SHANK2: variants seen among roughly 807,000 people sequenced by gnomAD.
SHANK2 encodes the protein SH3 and multiple ankyrin repeat domains 2, also known as SH3 and multiple ankyrin repeat domains protein 2.
SHANK2 carries 43 observed loss-of-function variants against 133.7 expected under a neutral mutation model. The observed-to-expected ratio is 0.32, with a 90% confidence interval of 0.25 to 0.41. The LOEUF (loss-of-function observed/expected upper bound fraction) is 0.41, where lower values mean the gene tolerates loss of function less well. Among genes scored for constraint, SHANK2 ranks in the 10% least tolerant of loss-of-function variants. The probability of loss-of-function intolerance (pLI) is 1.00; values close to 1 mark genes in which losing one functional copy is unlikely to be tolerated. For synonymous variants in SHANK2, 1,017 were observed against 952.8 expected (o/e 1.07, Z -1.24); for missense variants, 1,994 against 2,235.8 (o/e 0.89, Z 2.18).
At chr11:70,536,004 T>C (rs2059538600) in intron 17 of SHANK2, among the ~76,000 whole-genome samples, 1 of 151,660 alleles carries the variant, frequency 6.6e-6, no homozygotes, top group African/African-American at 2.4e-5. Context: ...AGACCAGCCC[T>C]ACAGGGCCCA....
At chr11:70,698,811 C>T (rs371552191) in intron 14 of SHANK2, 48 bp from the exon 15 acceptor site, 8 of 718,110 alleles carry the variant, frequency 1.1e-5, no homozygotes, top group Middle Eastern at 2.3e-4. Context: ...TCATGGTCCC[C>T]GAACGCGGAA....
At chr11:70,490,502 T>C in intron 22 of SHANK2, 115 bp from the exon 23 acceptor site, 1 of 871,046 alleles carries the variant, frequency 1.1e-6, no homozygotes, top group South Asian at 1.4e-5. Flanking sequence ...AAGCTGCTTC[T>C]GGAGCCACCT....
chr11:70,627,334 T>C (rs1461175921), intron 17 of SHANK2, among the ~76,000 whole-genome samples: 1 of 152,078 alleles, frequency 6.6e-6, no homozygotes, highest in Non-Finnish European at 1.5e-5. Flanking sequence ...ATGTGGCAAC[T>C]ATAAATGGAT....
chr11:70,859,934 G>C lies in SHANK2; in HGVS notation c.1174+36567C>G, dbSNP rs915178900. Among the ~76,000 whole-genome samples the C allele has an allele frequency of 3.3e-5, 5 of 152,178 alleles. No homozygotes were observed. The East Asian group carries it at 9.7e-4, about 29-fold the overall frequency. On this transcript the variant is annotated intron_variant, in intron 11 of 25. Coordinates refer to ENST00000601538, the MANE Select transcript of SHANK2 (RefSeq NM_012309.5). ...CGGGGTCCAGCTCACAGTTGGGATT[G>C]ATCAATGGGATGCCAATGACTTCTA...
chr11:71,104,185 G>A (rs1951768040), intron 6 of SHANK2, among the ~76,000 whole-genome samples: 1 of 152,148 alleles, frequency 6.6e-6, no homozygotes, highest in Non-Finnish European at 1.5e-5. Context: ...CACCACCGTA[G>A]GTGTTATCAT....
At chr11:71,238,408 G>A (rs12270501) in intron 1 of SHANK2, among the ~76,000 whole-genome samples, 47,608 of 152,098 alleles carry the variant, frequency 0.31, 7,548 homozygotes, top group East Asian at 0.44. Context: ...AATGCTCACA[G>A]CTACCTGAGA....
At chr11:71,066,674 G>A (rs1177532073) in intron 9 of SHANK2, among the ~76,000 whole-genome samples, 4 of 152,196 alleles carry the variant, frequency 2.6e-5, no homozygotes, top group Non-Finnish European at 5.9e-5. Context: ...TAAATCAGGA[G>A]TTTGTTTTCA....
chr11:71,065,810 G>A (rs1473858197), intron 9 of SHANK2, among the ~76,000 whole-genome samples: 120 of 119,718 alleles, frequency 1.0e-3, no homozygotes, highest in Middle Eastern at 0.013. Context: ...GGAGATGAGT[G>A]GTGAGTGGGG....
At chr11:71,237,756 A>G (rs1954841250) in intron 1 of SHANK2, among the ~76,000 whole-genome samples, 1 of 152,114 alleles carries the variant, frequency 6.6e-6, no homozygotes, top group South Asian at 2.1e-4. Context: ...TGTAGAGCCT[A>G]CCCCATCTCC....
At chr11:70,490,507 C>T (rs2058872011) in intron 22 of SHANK2, 120 bp from the exon 23 acceptor site, 13 of 835,554 alleles carry the variant, frequency 1.6e-5, no homozygotes, top group Non-Finnish European at 2.7e-5. Context: ...GCTTCTGGAG[C>T]CACCTAAAGT....
At chr11:70,545,583 C>T (rs568338736) in intron 17 of SHANK2, among the ~76,000 whole-genome samples, 6 of 152,362 alleles carry the variant, frequency 3.9e-5, no homozygotes, top group South Asian at 2.1e-4. Context: ...GGATAATTCA[C>T]GCACACCCTC....
chr11:70,711,029 G>A (rs1945771220), intron 14 of SHANK2, among the ~76,000 whole-genome samples: 1 of 152,194 alleles, frequency 6.6e-6, no homozygotes, highest in East Asian at 1.9e-4. Flanking sequence ...AGGCATGTGG[G>A]TGAAGGGAAT....
At chr11:70,599,905 G>GAAAGAGAAAGAAAGAA (rs1466206835) in intron 17 of SHANK2, among the ~76,000 whole-genome samples, 41 of 73,760 alleles carry the variant, frequency 5.6e-4, no homozygotes, top group Admixed American at 1.1e-3. Flanking sequence ...AAGAAAGAAA[G>GAAAGAGAAAGAAAGAA]AGAAAGAAAG....
chr11:70,472,505 G>A lies in SHANK2; in HGVS notation c.*364C>T, dbSNP rs1431983120. The A allele has an allele frequency of 5.6e-6, 2 of 355,610 alleles. No individual in the cohort carries two copies. Among genetic ancestry groups the A allele is most frequent in the African/African-American group, 4.2e-5 (2 of 47,306 alleles). The allele number at this position is 355,610 out of a possible 1,614,324, so 22.0% of individuals were successfully genotyped here. A position where few individuals can be genotyped will look rare whatever the true frequency, so the allele number is the denominator to read the frequency against. On this transcript the variant is annotated 3_prime_UTR_variant, in exon 26 of 26. Coordinates refer to ENST00000601538, the MANE Select transcript of SHANK2 (RefSeq NM_012309.5). The surrounding 1 kb of genome is among the most constrained non-coding windows in gnomAD (Gnocchi z 4.4). Reference sequence around the variant, plus strand: ...ACGGAGGTCTCAGGAGGTATCTAGAGTGCACTGGTGTCTGCCTACAAGAGC... The same window carrying A: ...ACGGAGGTCTCAGGAGGTATCTAGAATGCACTGGTGTCTGCCTACAAGAGC...
rs78330727 is a variant in SHANK2 at position 71,092,386 on chromosome 11, G to A, written c.912+36C>T. 8,975 of 1,549,824 alleles carry A rather than the reference G, an allele frequency of 5.8e-3. 464 individuals carry two copies. In the African/African-American group the frequency reaches 0.11, roughly 18 times the overall value. ...TCGGAGGAGAAGGGGAAGTCAGTTC[G>A]TGGGTACAACAGAGTGGAGAAGCGG... On this transcript the variant is annotated intron_variant, in intron 8 of 25. Coordinates refer to ENST00000601538, the MANE Select transcript of SHANK2 (RefSeq NM_012309.5).
chr11:70,502,027 G>T (rs2059061611), intron 19 of SHANK2, 96 bp from the exon 20 acceptor site: 2 of 1,413,634 alleles, frequency 1.4e-6, no homozygotes, highest in South Asian at 2.5e-5. Flanking sequence ...AGGCTCCGAG[G>T]GAGGTGCACA....
rs185258159 is a variant in SHANK2 at position 70,817,220 on chromosome 11, G to C, written c.1493+3144C>G. Among the ~76,000 whole-genome samples the C allele has an allele frequency of 4.3e-4, 66 of 152,358 alleles. 1 individual carries two copies. Among genetic ancestry groups the C allele is most frequent in the African/African-American group, 1.5e-3 (63 of 41,588 alleles). On this transcript the variant is annotated intron_variant, in intron 12 of 25. Transcript: ENST00000601538. Reference sequence around the variant, plus strand: ...TGCTGTCCCATAGGAGGGGACGTCAGTGCCACTGGCAGGTCCTAGTTAGGA... The same window carrying C: ...TGCTGTCCCATAGGAGGGGACGTCACTGCCACTGGCAGGTCCTAGTTAGGA...
intron 17 of SHANK2, among the ~76,000 whole-genome samples, chr11:70,625,654 G>A (rs1554999667): frequency 6.6e-6 from 1 of 151,790 alleles, no homozygotes. Flanking sequence ...ATCTGAGCAG[G>A]CTCTGAGCAG....
chr11:70,496,474 C>T (rs1486806749), intron 21 of SHANK2, among the ~76,000 whole-genome samples: 2 of 152,182 alleles, frequency 1.3e-5, no homozygotes, highest in South Asian at 4.1e-4. Context: ...CTGCGGCAGG[C>T]ATCTTGTTAA....
Sources: allele counts gnomAD v4.1 joint callset (sites outside exome capture counted in the v4.1 genomes callset), GRCh38; gene constraint gnomAD v4.1.1; non-coding constraint Gnocchi (gnomAD v3.1); transcripts MANE v1.5; gene names NCBI Gene and HGNC (gene_info 2026-07-23, HGNC 2026-07-21).